Variants in MOB4 observed in about 807,000 individuals in gnomAD.
MOB4 encodes the protein MOB family member 4, phocein.
In MOB4, 4 loss-of-function variants were observed where a neutral mutation model predicts 32.2. The ratio of observed to expected loss-of-function variants is 0.12; its 90% CI spans 0.06 to 0.28. The LOEUF (loss-of-function observed/expected upper bound fraction) is 0.28. Ranked by LOEUF, MOB4 falls within the 10% of genes least tolerant of loss-of-function variation. The probability of loss-of-function intolerance (pLI) is 1.00; values close to 1 mark genes in which losing one functional copy is unlikely to be tolerated. For missense variants in MOB4, 158 were observed against 271.2 expected (o/e 0.58, Z 2.93); for synonymous variants, 88 against 88.1 (o/e 1.00, Z 0.01).
chr2:197,544,050 C>CTT (rs559647857), intron 5 of MOB4, among the ~76,000 whole-genome samples: 1 of 144,764 alleles, frequency 6.9e-6, no homozygotes, highest in African/African-American at 2.5e-5. Context: ...GAGTTTCTTT[C>CTT]TTTTTTTTTT....
intron 3 of MOB4, among the ~76,000 whole-genome samples, chr2:197,538,625 G>T (rs142809591): frequency 6.6e-6 from 1 of 152,260 alleles, no homozygotes; most frequent in Non-Finnish European, 1.5e-5. Context: ...GGTCTCTTCA[G>T]CTGCACAACT....
chr2:197,538,241 A>G (rs1253545708), intron 3 of MOB4, among the ~76,000 whole-genome samples: 1 of 151,816 alleles, frequency 6.6e-6, no homozygotes, highest in African/African-American at 2.4e-5. Context: ...AATATTTCTC[A>G]CAAGTATTTC....
intron 5 of MOB4, among the ~76,000 whole-genome samples, chr2:197,546,641 C>G (rs2086998498): frequency 6.6e-6 from 1 of 152,106 alleles, no homozygotes; most frequent in Non-Finnish European, 1.5e-5. Flanking sequence ...CTCAAGTGAT[C>G]TTCCCACTTT....
chr2:197,519,960 A>T (rs2086485130), intron 1 of MOB4, among the ~76,000 whole-genome samples: 1 of 152,126 alleles, frequency 6.6e-6, no homozygotes, highest in Admixed American at 6.6e-5. Context: ...CCTTTAATAA[A>T]ATTAGTTCAT....
intron 3 of MOB4, among the ~76,000 whole-genome samples, chr2:197,539,570 G>A (rs1222885407): frequency 1.3e-5 from 2 of 151,922 alleles, no homozygotes; most frequent in Admixed American, 6.6e-5. Flanking sequence ...CACCTGCCTC[G>A]GCCTCCCAAA....
chr2:197,536,385 T>G (rs1376187650), intron 3 of MOB4, among the ~76,000 whole-genome samples: 1 of 151,718 alleles, frequency 6.6e-6, no homozygotes, highest in Non-Finnish European at 1.5e-5. Flanking sequence ...TTGTATTTTT[T>G]GTAGAGACAA....
chr2:197,516,406 C>T (rs2086412408), intron 1 of MOB4: 1 of 1,387,566 alleles, frequency 7.2e-7, no homozygotes, highest in Admixed American at 3.0e-5. Flanking sequence ...CCTGCCGAAG[C>T]CCTGGGCTGC....
chr2:197,528,888 A>T (rs944477407), intron 2 of MOB4, among the ~76,000 whole-genome samples: 15 of 151,592 alleles, frequency 9.9e-5, no homozygotes, highest in Non-Finnish European at 8.8e-5. Context: ...AAGTGCTGGG[A>T]TTACAGGCGT....
At chr2:197,525,962 T>G (rs2086605215) in intron 2 of MOB4, among the ~76,000 whole-genome samples, 1 of 152,210 alleles carries the variant, frequency 6.6e-6, no homozygotes, top group Non-Finnish European at 1.5e-5. Context: ...GTGAAATCAT[T>G]AGGGTTTTCT....
In MOB4 at chr2:197,551,703, A is replaced by T. The variant is rs757992168; in HGVS notation, c.*1057A>T. The T allele has an allele frequency of 1.3e-5, 2 of 152,664 alleles. No individual in the cohort carries two copies. The highest frequency in any genetic ancestry group is 2.9e-5 in the Non-Finnish European group (2 of 68,038). 9.5% of individuals were successfully genotyped at this position (152,664 alleles called of 1,614,324 possible). ...CTCCCACGAAGTTTATGTTTGGATT[A>T]CATGCACGTGTGAGATTATTTGCAA... On this transcript the variant is annotated 3_prime_UTR_variant, in exon 8 of 8. Transcript: ENST00000323303.
At chr2:197,533,807 C>T (rs2086750202) in intron 2 of MOB4, 1 of 591,422 alleles carries the variant, frequency 1.7e-6, no homozygotes, top group East Asian at 4.3e-5. Context: ...TTTGCCATGC[C>T]TTCCCACAAG....
rs1274263922 is a variant in MOB4, at chr2:197,552,786, A to T, written c.*2140A>T. 1 of 152,292 alleles carries T rather than the reference A, an allele frequency of 6.6e-6. No homozygotes were observed. The highest frequency in any genetic ancestry group is 2.4e-5 in the African/African-American group (1 of 41,454). 9.4% of individuals were successfully genotyped at this position (152,292 alleles called of 1,614,324 possible). On this transcript the variant is annotated 3_prime_UTR_variant, in exon 8 of 8. Transcript: ENST00000323303. The stretch of plus-strand genomic sequence containing the variant: ...TATATATACATAAATACTACTAAAA[A>T]ATTAATGAGCCTGGCAAACCATTGA...
intron 2 of MOB4, among the ~76,000 whole-genome samples, chr2:197,535,091 C>T (rs1038592359): frequency 3.3e-5 from 5 of 152,164 alleles, no homozygotes; most frequent in African/African-American, 7.2e-5. Context: ...GGCGTGATGG[C>T]GTGTGCCTGT....
intron 5 of MOB4, among the ~76,000 whole-genome samples, chr2:197,543,257 A>G (rs1436844147): frequency 6.6e-6 from 1 of 152,114 alleles, no homozygotes; most frequent in African/African-American, 2.4e-5. Flanking sequence ...TCACACCACT[A>G]CACTCCAGCC....
In MOB4 at chr2:197,523,644, T is replaced by C. The variant is rs762880404; in HGVS notation, c.81T>C (p.Asp27=). 2.5e-6 allele frequency: 4 copies of C among 1,610,296 alleles called. No homozygotes were observed. In the South Asian group the frequency reaches 4.5e-5, roughly 18 times the overall value. The change falls in exon 2 of 8, where the codon GAT becomes GAC. Residue 27 remains aspartate, a synonymous_variant. Transcript: ENST00000323303. ...TATAGGATTTCTATAATTGGCCTGA[T>C]GAATCCTTTGATGAAATGGACAGTA... ...TKAQDFYNWP[D]ESFDEMDSTL...
chr2:197,552,566 C>G lies in MOB4; in HGVS notation c.*1920C>G, dbSNP rs572983280. The G allele has an allele frequency of 1.3e-5, 2 of 152,164 alleles. No individual in the cohort carries two copies. Among genetic ancestry groups the G allele is most frequent in the African/African-American group, 2.4e-5 (1 of 41,390 alleles). The allele number at this position is 152,164 out of a possible 1,614,324, so 9.4% of individuals were successfully genotyped here. A position where few individuals can be genotyped will look rare whatever the true frequency, so the allele number is the denominator to read the frequency against. ...GATTTTTTTTTCTTACTCATTTCAC[C>G]TTCCCTGTACTGTATGTTTGGAATT... On this transcript the variant is annotated 3_prime_UTR_variant, in exon 8 of 8. Transcript: ENST00000323303.
chr2:197,545,566 A>G (rs550556735), intron 5 of MOB4, among the ~76,000 whole-genome samples: 1 of 152,356 alleles, frequency 6.6e-6, no homozygotes, highest in South Asian at 2.1e-4. Flanking sequence ...CATTTTGTAT[A>G]TATTAAAAAC....
upstream of MOB4, chr2:197,516,045 C>A: frequency 6.4e-7 from 1 of 1,552,810 alleles, no homozygotes; most frequent in Non-Finnish European, 8.7e-7. Flanking sequence ...GCTGCCGTCC[C>A]TACATCCGGG....
At chr2:197,526,287 G>A (rs1056624196) in intron 2 of MOB4, among the ~76,000 whole-genome samples, 5 of 152,088 alleles carry the variant, frequency 3.3e-5, no homozygotes, top group Admixed American at 1.3e-4. Flanking sequence ...TGCACCTATT[G>A]AGATGATCAT....
Sources: allele counts gnomAD v4.1 joint callset (sites outside exome capture counted in the v4.1 genomes callset), GRCh38; gene constraint gnomAD v4.1.1; transcripts MANE v1.5; gene names NCBI Gene and HGNC (gene_info 2026-07-23, HGNC 2026-07-21).